GNG7: variants seen among roughly 807,000 people sequenced by gnomAD.
The protein encoded by GNG7 is G protein subunit gamma 7, also known as guanine nucleotide-binding protein G(I)/G(S)/G(O) subunit gamma-7.
GNG7 carries 1 observed loss-of-function variant against 4.0 expected under a neutral mutation model. That is an observed-to-expected ratio of 0.25 (90% confidence interval 0.09 to 1.18). The LOEUF is 1.18. Ranked by LOEUF, GNG7 falls within the 50% of genes most tolerant of loss-of-function variation. The pLI, the probability that GNG7 is intolerant of heterozygous loss-of-function variation, is 0.50. For synonymous variants in GNG7, 34 were observed against 36.9 expected, an observed-to-expected ratio of 0.92 and a Z score of 0.29; for missense variants, 86 against 91.9, an observed-to-expected ratio of 0.94 and a Z score of 0.26.
At chr19:2,615,031 G>T (rs958037882) in intron 2 of GNG7, among the ~76,000 whole-genome samples, 1 of 152,194 alleles carries the variant, frequency 6.6e-6, no homozygotes, top group South Asian at 2.1e-4. Flanking sequence ...TTTGTGCCGC[G>T]GCTCCTGCCC....
intron 1 of GNG7, among the ~76,000 whole-genome samples, chr19:2,685,233 G>T (rs1022670357): frequency 3.3e-5 from 5 of 152,168 alleles, no homozygotes; most frequent in Non-Finnish European, 5.9e-5. Flanking sequence ...AGTTTGGGAA[G>T]ATGAGAAAGT....
At chr19:2,638,836 T>C (rs1331622701) in intron 2 of GNG7, among the ~76,000 whole-genome samples, 1 of 152,192 alleles carries the variant, frequency 6.6e-6, no homozygotes, top group East Asian at 1.9e-4. Context: ...GTTCAGAATT[T>C]AAGTGTAAAA....
chr19:2,647,825 C>T (rs1340347375), intron 1 of GNG7, among the ~76,000 whole-genome samples: 1 of 151,914 alleles, frequency 6.6e-6, no homozygotes, highest in Admixed American at 6.6e-5. Context: ...GTCACGAGTT[C>T]GAGACCAGCC....
chr19:2,655,864 A>G (rs1028422229), intron 1 of GNG7, among the ~76,000 whole-genome samples: 3 of 141,286 alleles, frequency 2.1e-5, no homozygotes, highest in Non-Finnish European at 4.6e-5. Flanking sequence ...AAAAAAATAC[A>G]TATATATATA....
At chr19:2,625,898 C>G (rs1241216804) in intron 2 of GNG7, among the ~76,000 whole-genome samples, 1 of 152,188 alleles carries the variant, frequency 6.6e-6, no homozygotes, top group Non-Finnish European at 1.5e-5. Flanking sequence ...AGCGATTCTC[C>G]TGCCTCAGCC....
chr19:2,639,101 G>A (rs1248859710), intron 2 of GNG7, among the ~76,000 whole-genome samples: 1 of 152,026 alleles, frequency 6.6e-6, no homozygotes, highest in Non-Finnish European at 1.5e-5. Context: ...GCTGGGCATG[G>A]TGGCGAACAC....
At position 2,565,939 on chromosome 19, in the gene GNG7, T is replaced by C. The variant is rs572483052; in HGVS notation, c.-77-10751A>G. 2.6e-5 allele frequency among the ~76,000 whole-genome samples: 4 copies of C among 152,038 alleles called. No homozygotes were observed. The South Asian group carries it at 6.2e-4, about 24-fold the overall frequency. On this transcript the variant is annotated intron_variant, in intron 2 of 4. Transcript: ENST00000382159. Reference sequence around the variant, plus strand: ...TCGGGAGGCCAGGGCAGGCGGATCATCTGAGGTTAGGAGTTCGAGACCAGC... The same window carrying C: ...TCGGGAGGCCAGGGCAGGCGGATCACCTGAGGTTAGGAGTTCGAGACCAGC...
chr19:2,684,281 G>C (rs922944749), intron 1 of GNG7, among the ~76,000 whole-genome samples: 3 of 151,662 alleles, frequency 2.0e-5, no homozygotes, highest in Non-Finnish European at 2.9e-5. Context: ...GGATTACAGG[G>C]GTCCGCCACC....
chr19:2,685,183 A>AT (rs1983841913), intron 1 of GNG7, among the ~76,000 whole-genome samples: 1 of 149,862 alleles, frequency 6.7e-6, no homozygotes, highest in African/African-American at 2.4e-5. Context: ...GGGGCTGGGG[A>AT]GGGGGCTGGG....
At chr19:2,521,612 G>GTGTTT (rs1555690410) in intron 3 of GNG7, among the ~76,000 whole-genome samples, 1 of 104,702 alleles carries the variant, frequency 9.6e-6, no homozygotes, top group Non-Finnish European at 1.8e-5. Context: ...CCCCCTCCGT[G>GTGTTT]TTTTTTTTTT....
At chr19:2,585,336 T>C (rs900449125) in intron 2 of GNG7, among the ~76,000 whole-genome samples, 3 of 152,014 alleles carry the variant, frequency 2.0e-5, no homozygotes, top group Non-Finnish European at 4.4e-5. Flanking sequence ...TCTGCGTATA[T>C]ATAGATATAT....
At chr19:2,553,397 C>CAT (rs369513158) in intron 3 of GNG7, among the ~76,000 whole-genome samples, 22,101 of 142,118 alleles carry the variant, frequency 0.16, 1,978 homozygotes, top group African/African-American at 0.22. Context: ...TATATATATA[C>CAT]ATATATATAT....
At chr19:2,636,168 G>T (rs77429519) in intron 2 of GNG7, among the ~76,000 whole-genome samples, 1 of 152,156 alleles carries the variant, frequency 6.6e-6, no homozygotes, top group African/African-American at 2.4e-5. Flanking sequence ...GCATAAATCA[G>T]GGTAACTCCA....
At chr19:2,697,683 G>A (rs1199498718) in intron 1 of GNG7, among the ~76,000 whole-genome samples, 2 of 152,178 alleles carry the variant, frequency 1.3e-5, no homozygotes, top group South Asian at 2.1e-4. Flanking sequence ...GGCCGGGCGC[G>A]GTGGCTCACG....
intron 3 of GNG7, among the ~76,000 whole-genome samples, chr19:2,524,740 G>T (rs1978338908): frequency 6.6e-6 from 1 of 152,202 alleles, no homozygotes. Context: ...ACGTGTGTAT[G>T]TGCACGTGTG....
At chr19:2,636,396 C>T (rs1262466364) in intron 2 of GNG7, among the ~76,000 whole-genome samples, 1 of 152,128 alleles carries the variant, frequency 6.6e-6, no homozygotes, top group African/African-American at 2.4e-5. Context: ...CCCTGAGGAG[C>T]ATGACATCTG....
At chr19:2,699,126 G>A (rs1913338439) in intron 1 of GNG7, among the ~76,000 whole-genome samples, 1 of 150,020 alleles carries the variant, frequency 6.7e-6, no homozygotes. Flanking sequence ...CACATAAAAG[G>A]CCCACCTAGA....
intron 3 of GNG7, among the ~76,000 whole-genome samples, chr19:2,547,327 C>A (rs1979162154): frequency 6.6e-6 from 1 of 152,096 alleles, no homozygotes; most frequent in South Asian, 2.1e-4. Context: ...AAGGCACAGG[C>A]AGGGCTGGTC....
chr19:2,552,963 G>A (rs997790234), intron 3 of GNG7, among the ~76,000 whole-genome samples: 1 of 150,122 alleles, frequency 6.7e-6, no homozygotes, highest in Non-Finnish European at 1.5e-5. Flanking sequence ...GAAGAACGAA[G>A]GCAGCCCCAA....
Sources: allele counts gnomAD v4.1 joint callset (sites outside exome capture counted in the v4.1 genomes callset), GRCh38; gene constraint gnomAD v4.1.1; transcripts MANE v1.5; gene names NCBI Gene and HGNC (gene_info 2026-07-23, HGNC 2026-07-21).